NTNG2: variants seen among roughly 807,000 people sequenced by gnomAD.
NTNG2 encodes the protein netrin-G2.
NTNG2 carries 15 observed loss-of-function variants against 47.6 expected under a neutral mutation model. That is an observed-to-expected ratio of 0.32 (90% CI 0.21 to 0.49). NTNG2 has a LOEUF of 0.49. Among genes scored for constraint, NTNG2 ranks in the 20% least tolerant of loss-of-function variants. The pLI is 0.99. For missense variants in NTNG2, 578 were observed against 764.6 expected (o/e 0.76, Z 2.88); for synonymous variants, 307 against 324.6 (o/e 0.95, Z 0.58).
intron 2 of NTNG2, among the ~76,000 whole-genome samples, chr9:132,174,554 G>A (rs950450040): frequency 3.3e-5 from 5 of 152,174 alleles, no homozygotes; most frequent in Non-Finnish European, 7.4e-5. Context: ...ACACAACCTC[G>A]AAGGACGTGT....
chr9:132,226,035 C>G lies in NTNG2; in HGVS notation c.858-814C>G, dbSNP rs1840730418. Among the ~76,000 whole-genome samples the G allele has an allele frequency of 6.6e-6, 1 of 152,130 alleles. No individual in the cohort carries two copies. Among genetic ancestry groups the G allele is most frequent in the Non-Finnish European group, 1.5e-5 (1 of 68,030 alleles). On this transcript the variant is annotated intron_variant, in intron 3 of 7. Transcript: ENST00000393229. The surrounding 1 kb of genome is among the most constrained non-coding windows in gnomAD (Gnocchi z 4.8). ...GTGGGGGTGTGTTCTTCTAGAGACGCTCACTGTCTGCTGGCCTCTCAGTGG... is the reference window on the plus strand; with the variant it reads ...GTGGGGGTGTGTTCTTCTAGAGACGGTCACTGTCTGCTGGCCTCTCAGTGG...
chr9:132,241,845 C>G lies in NTNG2; in HGVS notation c.1358-31C>G, dbSNP rs1589576707. 9 of 1,492,604 alleles carry G rather than the reference C, an allele frequency of 6.0e-6. No individual in the cohort carries two copies. In the East Asian group the frequency reaches 2.4e-4, roughly 39 times the overall value. 92.5% of individuals were successfully genotyped at this position (1,492,604 alleles called of 1,614,324 possible). A position where few individuals can be genotyped will look rare whatever the true frequency, so the allele number is the denominator to read the frequency against. ...GAGGTTGGCGGGGGGACCGGGCCACCCCCCGTGCTGACCGCCCCCTCCGCC... is the reference window on the plus strand; with the variant it reads ...GAGGTTGGCGGGGGGACCGGGCCACGCCCCGTGCTGACCGCCCCCTCCGCC... On this transcript the variant is annotated intron_variant, in intron 7 of 7. Transcript: ENST00000393229.
At chr9:132,217,966 G>C (rs1322629763) in intron 3 of NTNG2, among the ~76,000 whole-genome samples, 1 of 152,202 alleles carries the variant, frequency 6.6e-6, no homozygotes, top group Non-Finnish European at 1.5e-5. Flanking sequence ...TGTGGGTGAT[G>C]TGGCCGGTGT....
chr9:132,179,795 C>T (rs911877379), intron 2 of NTNG2, among the ~76,000 whole-genome samples: 2 of 152,180 alleles, frequency 1.3e-5, no homozygotes, highest in Non-Finnish European at 2.9e-5. Context: ...AAACTAGGAT[C>T]GGTCTCCAGG....
chr9:132,171,949 G>A (rs1033577236), intron 2 of NTNG2, among the ~76,000 whole-genome samples: 7 of 152,222 alleles, frequency 4.6e-5, no homozygotes, highest in Non-Finnish European at 8.8e-5. Flanking sequence ...GCACAGTTGT[G>A]ATGGGAAAGT....
chr9:132,227,140 C>T, intron 4 of NTNG2, 119 bp downstream of exon 4: 3 of 1,102,646 alleles, frequency 2.7e-6, no homozygotes, highest in Non-Finnish European at 3.8e-6. Context: ...CATACGTGTG[C>T]ACATGCATGC....
At chr9:132,205,606 C>T (rs745907858) in intron 3 of NTNG2, among the ~76,000 whole-genome samples, 9 of 152,040 alleles carry the variant, frequency 5.9e-5, no homozygotes, top group Non-Finnish European at 1.2e-4. Flanking sequence ...GGTGGCTGGG[C>T]GCGGTGGCTC....
chr9:132,220,746 C>T (rs1840299691), intron 3 of NTNG2, among the ~76,000 whole-genome samples: 1 of 152,190 alleles, frequency 6.6e-6, no homozygotes, highest in Admixed American at 6.5e-5. Context: ...CCGCACCTGG[C>T]TCCCTACGTT....
chr9:132,162,918 G>A lies in NTNG2; in HGVS notation c.-484+679G>A, dbSNP rs1835186268. Among the ~76,000 whole-genome samples the A allele has an allele frequency of 6.6e-6, 1 of 152,138 alleles. No individual in the cohort carries two copies. The highest frequency in any genetic ancestry group is 1.5e-5 in the Non-Finnish European group (1 of 68,028). On this transcript the variant is annotated intron_variant, in intron 1 of 7. Coordinates refer to ENST00000393229, the MANE Select transcript of NTNG2 (RefSeq NM_032536.4). The surrounding 1 kb of genome is among the most constrained non-coding windows in gnomAD (Gnocchi z 4.6). ...GCGGCGCGCAGGTGGGGGGAGCAGA[G>A]GCGGCGGGAAGGCGGGAAGAGAGGA...
Position 132,241,061 on chromosome 9 carries a change from C to T in NTNG2, c.1357+17C>T. The T allele has an allele frequency of 1.3e-6, 2 of 1,583,774 alleles. No homozygotes were observed. Among genetic ancestry groups the T allele is most frequent in the South Asian group, 2.3e-5 (2 of 88,520 alleles). On this transcript the variant is annotated intron_variant, in intron 7 of 7. Coordinates refer to ENST00000393229, the MANE Select transcript of NTNG2 (RefSeq NM_032536.4). ...GCTGCTACCGTGAGTGCGCGCCGTC[C>T]CCCGTGGGCGGGGCCTGCGGAAAGG...
At chr9:132,228,994 G>A (rs181224332) in intron 4 of NTNG2, among the ~76,000 whole-genome samples, 165 of 152,198 alleles carry the variant, frequency 1.1e-3, no homozygotes, top group African/African-American at 3.7e-3. Flanking sequence ...ACCACCTCCA[G>A]TCTAGCCAGC....
intron 2 of NTNG2, among the ~76,000 whole-genome samples, chr9:132,187,451 G>A (rs565661457): frequency 7.9e-5 from 12 of 152,272 alleles, no homozygotes; most frequent in African/African-American, 2.9e-4. Context: ...GGAAAGGGAA[G>A]GAGAGAGACA....
chr9:132,170,010 A>C (rs1165271319), intron 2 of NTNG2, among the ~76,000 whole-genome samples: 1 of 152,188 alleles, frequency 6.6e-6, no homozygotes, highest in African/African-American at 2.4e-5. Context: ...CCAGATGCCC[A>C]CTGCCCCCTT....
chr9:132,177,992 G>C (rs776791401), intron 2 of NTNG2, among the ~76,000 whole-genome samples: 1 of 152,148 alleles, frequency 6.6e-6, no homozygotes, highest in African/African-American at 2.4e-5. Context: ...AGCATTCTAT[G>C]TGCACTACTT....
Position 132,163,634 on chromosome 9 carries a change from C to G in NTNG2, c.-484+1395C>G, listed in dbSNP as rs930242352. Among the ~76,000 whole-genome samples the G allele has an allele frequency of 7.9e-5, 12 of 152,240 alleles. No homozygotes were observed. The highest frequency in any genetic ancestry group is 1.9e-4 in the East Asian group (1 of 5,138). On this transcript the variant is annotated intron_variant, in intron 1 of 7. Transcript: ENST00000393229. The surrounding 1 kb of genome is among the most constrained non-coding windows in gnomAD (Gnocchi z 7.2). ...ACCCCGGGGTGGGCTGAGTATCCCCCCTAGCCCCGGGAGCCCCCAGCGCCC... is the reference window on the plus strand; with the variant it reads ...ACCCCGGGGTGGGCTGAGTATCCCCGCTAGCCCCGGGAGCCCCCAGCGCCC...
At chr9:132,207,137 T>C (rs528455286) in intron 3 of NTNG2, among the ~76,000 whole-genome samples, 1 of 152,248 alleles carries the variant, frequency 6.6e-6, no homozygotes, top group African/African-American at 2.4e-5. Context: ...AAGAAGGCAT[T>C]TCCTCTGCGA....
chr9:132,234,386 C>A (rs557872541), intron 5 of NTNG2, among the ~76,000 whole-genome samples: 1 of 152,214 alleles, frequency 6.6e-6, no homozygotes, highest in Non-Finnish European at 1.5e-5. Flanking sequence ...AGGAGCAGAC[C>A]GGGCTTCCAT....
At chr9:132,241,131 G>C (rs1841953746) in intron 7 of NTNG2, 87 bp downstream of exon 7, 4 of 1,438,444 alleles carry the variant, frequency 2.8e-6, no homozygotes, top group Non-Finnish European at 3.7e-6. Flanking sequence ...AGTGGGACGG[G>C]GCAGGGGCGG....
intron 3 of NTNG2, among the ~76,000 whole-genome samples, chr9:132,216,238 C>G (rs545943320): frequency 3.5e-4 from 54 of 152,312 alleles, no homozygotes; most frequent in Middle Eastern, 3.4e-3. Context: ...TCCCTTGCTT[C>G]TTTCTGCAAA....
Sources: allele counts gnomAD v4.1 joint callset (sites outside exome capture counted in the v4.1 genomes callset), GRCh38; gene constraint gnomAD v4.1.1; non-coding constraint Gnocchi (gnomAD v3.1); transcripts MANE v1.5; gene names NCBI Gene and HGNC (gene_info 2026-07-23, HGNC 2026-07-21).